Variants in SLC1A1 observed in about 807,000 individuals in gnomAD.
SLC1A1 encodes solute carrier family 1 member 1, also known as excitatory amino acid transporter 3.
Under a neutral mutation model 53.3 loss-of-function variants are expected in SLC1A1, and 43 were observed. The observed-to-expected ratio is 0.81, with a 90% CI of 0.63 to 1.04. SLC1A1 has a LOEUF of 1.04. Among genes scored for constraint, SLC1A1 ranks in the 50% least tolerant of loss-of-function variants. The probability of loss-of-function intolerance (pLI) is 0.00; values close to 1 mark genes in which losing one functional copy is unlikely to be tolerated. For synonymous variants in SLC1A1, 307 were observed against 243.2 expected (o/e 1.26, Z -2.44); for missense variants, 748 against 664.9 (o/e 1.12, Z -1.37).
At chr9:4,542,957 T>C (rs1045722701) in intron 1 of SLC1A1, among the ~76,000 whole-genome samples, 1 of 152,198 alleles carries the variant, frequency 6.6e-6, no homozygotes, top group Non-Finnish European at 1.5e-5. Flanking sequence ...TGCAGTAGTG[T>C]GTAAACACTA....
chr9:4,495,077 T>C (rs1198249342), intron 1 of SLC1A1, among the ~76,000 whole-genome samples: 2 of 152,198 alleles, frequency 1.3e-5, no homozygotes, highest in African/African-American at 4.8e-5. Flanking sequence ...GTCTTAGCAA[T>C]ACCCTTGCCC....
intron 1 of SLC1A1, among the ~76,000 whole-genome samples, chr9:4,493,681 ATGAG>A (rs1172550815): frequency 1.3e-5 from 2 of 152,226 alleles, no homozygotes; most frequent in African/African-American, 4.8e-5. Context: ...GGTAGGAGGA[ATGAG>A]TGAGTTCAGG....
chr9:4,500,163 C>G (rs1053114411), intron 1 of SLC1A1, among the ~76,000 whole-genome samples: 1 of 152,152 alleles, frequency 6.6e-6, no homozygotes, highest in East Asian at 1.9e-4. Context: ...TTTCCCGTGT[C>G]GCTGGAGATT....
At position 4,561,441 on chromosome 9, in the gene SLC1A1, C is replaced by G. The variant is rs1818930927; in HGVS notation, c.233-8C>G. 1.3e-6 allele frequency: 2 copies of G among 1,530,456 alleles called. No homozygotes were observed. The highest frequency in any genetic ancestry group is 1.8e-6 in the Non-Finnish European group (2 of 1,103,996). The allele number at this position is 1,530,456 out of a possible 1,614,324, so 94.8% of individuals were successfully genotyped here. On this transcript the variant is annotated splice_region_variant and splice_polypyrimidine_tract_variant and intron_variant, in intron 2 of 11. Coordinates refer to ENST00000262352, the MANE Select transcript of SLC1A1 (RefSeq NM_004170.6). ...ATTAATGTAATTTGATTTCTGTCTCCCCTTCAGGTGTTGCTGCACTGGATT... is the reference window on the plus strand; with the variant it reads ...ATTAATGTAATTTGATTTCTGTCTCGCCTTCAGGTGTTGCTGCACTGGATT...
At position 4,576,636 on chromosome 9, in the gene SLC1A1, C is replaced by CAGG; in HGVS notation, c.1066_1067insAGG (p.Arg356delinsGlnGly). On this transcript the variant is annotated protein_altering_variant, in exon 10 of 12. Coordinates refer to ENST00000262352, the MANE Select transcript of SLC1A1 (RefSeq NM_004170.6). ...TAACCAGGTGGACAAGAGGATCACT[C>CAGG]GATTCGTGTTACCCGTTGGTGCAAC... 1 of 1,614,118 alleles carries CAGG rather than the reference C, an allele frequency of 6.2e-7. No homozygotes were observed. Among genetic ancestry groups the CAGG allele is most frequent in the Non-Finnish European group, 8.5e-7 (1 of 1,179,948 alleles).
rs146982018 is a variant in SLC1A1, at chr9:4,563,115, T to C, written c.326-1229T>C. On this transcript the variant is annotated intron_variant, in intron 3 of 11. Coordinates refer to ENST00000262352, the MANE Select transcript of SLC1A1 (RefSeq NM_004170.6). ...CACATATACCCTAAAACTTAAAGTA[T>C]AATAATAAAAGAAAAAAAAAGAGAG... Among the ~76,000 whole-genome samples the C allele has an allele frequency of 9.8e-3, 1,003 of 102,646 alleles. 9 individuals carry two copies. The highest frequency in any genetic ancestry group is 0.014 in the Non-Finnish European group (702 of 49,494). 67.3% of individuals were successfully genotyped at this position (102,646 alleles called of 152,430 possible). A position where few individuals can be genotyped will look rare whatever the true frequency, so the allele number is the denominator to read the frequency against.
At chr9:4,528,502 G>A (rs1816346352) in intron 1 of SLC1A1, among the ~76,000 whole-genome samples, 2 of 152,138 alleles carry the variant, frequency 1.3e-5, no homozygotes, top group African/African-American at 4.8e-5. Flanking sequence ...CGTGAACCCG[G>A]GAGGCGGAGG....
At chr9:4,551,157 A>C (rs1817895810) in intron 2 of SLC1A1, among the ~76,000 whole-genome samples, 1 of 152,184 alleles carries the variant, frequency 6.6e-6, no homozygotes, top group Non-Finnish European at 1.5e-5. Flanking sequence ...AGAGCACCTT[A>C]TTTGTAAACT....
chr9:4,506,046 G>A (rs917905836), intron 1 of SLC1A1, among the ~76,000 whole-genome samples: 18 of 152,134 alleles, frequency 1.2e-4, no homozygotes, highest in African/African-American at 4.3e-4. Context: ...GGCTGGTCTT[G>A]AACTCCTGAC....
chr9:4,535,169 AC>A (rs562373954), intron 1 of SLC1A1, among the ~76,000 whole-genome samples: 29 of 152,298 alleles, frequency 1.9e-4, no homozygotes, highest in Middle Eastern at 3.4e-3. Flanking sequence ...GACCTCTCTC[AC>A]CACTCCTATT....
chr9:4,513,477 G>A (rs1194923442), intron 1 of SLC1A1, among the ~76,000 whole-genome samples: 3 of 152,068 alleles, frequency 2.0e-5, no homozygotes, highest in Non-Finnish European at 2.9e-5. Context: ...TGGCCGTTAG[G>A]GAAAAGTGAA....
chr9:4,509,784 G>T (rs1244193687), intron 1 of SLC1A1, among the ~76,000 whole-genome samples: 1 of 152,112 alleles, frequency 6.6e-6, no homozygotes, highest in Non-Finnish European at 1.5e-5. Context: ...GTTTTCTCGG[G>T]ACATCAAGAA....
At chr9:4,544,806 T>A in intron 2 of SLC1A1, 99 bp downstream of exon 2, 1 of 1,036,096 alleles carries the variant, frequency 9.7e-7, no homozygotes, top group East Asian at 2.4e-5. Context: ...AGAGGTTTAA[T>A]TGACTCACAG....
intron 1 of SLC1A1, among the ~76,000 whole-genome samples, chr9:4,518,909 T>C (rs927266882): frequency 1.3e-5 from 2 of 152,190 alleles, no homozygotes; most frequent in African/African-American, 4.8e-5. Context: ...TCAAGGCACA[T>C]AGAGGCTGTC....
Position 4,583,228 on chromosome 9 carries a change from T to C in SLC1A1, c.1328+56T>C. The C allele has an allele frequency of 6.2e-7, 1 of 1,607,718 alleles. No individual in the cohort carries two copies. The highest frequency in any genetic ancestry group is 8.5e-7 in the Non-Finnish European group (1 of 1,174,546). On this transcript the variant is annotated intron_variant, in intron 11 of 11. Coordinates refer to ENST00000262352, the MANE Select transcript of SLC1A1 (RefSeq NM_004170.6). The surrounding 1 kb of genome is among the most constrained non-coding windows in gnomAD (Gnocchi z 4.6). ...GGATGTGCAGGCGGGCTTCCCAGCC[T>C]CGCAGGCGCTGCAGTCTGTCATCAT...
intron 6 of SLC1A1, among the ~76,000 whole-genome samples, chr9:4,568,042 G>A (rs545631741): frequency 2.8e-4 from 43 of 152,292 alleles, no homozygotes; most frequent in African/African-American, 9.4e-4. Flanking sequence ...TGATTCTCAT[G>A]CTGGAAACAA....
At chr9:4,551,398 A>G (rs1296277566) in intron 2 of SLC1A1, among the ~76,000 whole-genome samples, 1 of 152,166 alleles carries the variant, frequency 6.6e-6, no homozygotes, top group Non-Finnish European at 1.5e-5. Flanking sequence ...CAGGTATAAG[A>G]GGGTGAGGCC....
chr9:4,514,159 C>G (rs1480016040), intron 1 of SLC1A1, among the ~76,000 whole-genome samples: 1 of 152,152 alleles, frequency 6.6e-6, no homozygotes, highest in East Asian at 1.9e-4. Flanking sequence ...GAACTGTACA[C>G]TAAAATAGTC....
In SLC1A1 at chr9:4,535,849, G is replaced by A. The variant is rs1160561102; in HGVS notation, c.92-8718G>A. Among the ~76,000 whole-genome samples, 11 of 152,070 alleles carry A rather than the reference G, an allele frequency of 7.2e-5. 1 individual carries two copies. Among genetic ancestry groups the A allele is most frequent in the African/African-American group, 2.4e-4 (10 of 41,396 alleles). On this transcript the variant is annotated intron_variant, in intron 1 of 11. Coordinates refer to ENST00000262352, the MANE Select transcript of SLC1A1 (RefSeq NM_004170.6). Reference sequence around the variant, plus strand: ...GTAACCAAAACAGCATGGTACTGGTGCCAAAACAGAGATATAGACCAATGG... The same window carrying A: ...GTAACCAAAACAGCATGGTACTGGTACCAAAACAGAGATATAGACCAATGG...
Sources: gnomAD v4.1 joint callset for allele counts (sites outside exome capture counted in the v4.1 genomes callset) on GRCh38, gnomAD v4.1.1 for gene constraint, Gnocchi (gnomAD v3.1) non-coding constraint, MANE v1.5 for transcripts, NCBI Gene and HGNC (gene_info 2026-07-23, HGNC 2026-07-21) for gene names.